OPA1: variants seen among roughly 807,000 people sequenced by gnomAD.
The protein encoded by OPA1 is dynamin-like GTPase OPA1, mitochondrial.
OPA1 carries 59 observed loss-of-function variants against 152.9 expected under a neutral mutation model. The ratio of observed to expected loss-of-function variants is 0.39; its 90% CI spans 0.31 to 0.48. The LOEUF (loss-of-function observed/expected upper bound fraction) is 0.48. Ranked by LOEUF, OPA1 falls within the 20% of genes least tolerant of loss-of-function variation. The pLI, the probability that OPA1 is intolerant of heterozygous loss-of-function variation, is 0.96. For missense variants in OPA1, 1,008 were observed against 1,216.8 expected (o/e 0.83, Z 2.55); for synonymous variants, 400 against 389.9 (o/e 1.03, Z -0.31).
rs138853359 is a variant in OPA1 at position 193,675,499 on chromosome 3, GAGGC to G, written c.2983+8221_2983+8224del. On this transcript the variant is annotated intron_variant, in intron 29 of 30. Coordinates refer to ENST00000361510, the MANE Select transcript of OPA1 (RefSeq NM_130837.3). ...TCTCTCCTGGCTTTTAACACATCTCGAGGCAACCTTTTCCCTTTCTTTTTATGCA... is the reference window on the plus strand; with the variant it reads ...TCTCTCCTGGCTTTTAACACATCTCGAACCTTTTCCCTTTCTTTTTATGCA... Among the ~76,000 whole-genome samples, 1,117 of 151,928 alleles carry G rather than the reference GAGGC, an allele frequency of 7.4e-3. 10 individuals carry two copies. The highest frequency in any genetic ancestry group is 0.022 in the African/African-American group (903 of 41,430).
chr3:193,593,234 T>C lies in OPA1; in HGVS notation c.-144T>C, dbSNP rs1057509207. ...GGCTCTTGCGGAAGTCCATGCGCCA[T>C]TGGGAGGGCCTCGGCCGCGGCTCTG... On this transcript the variant is annotated 5_prime_UTR_variant, in exon 1 of 31. Transcript: ENST00000361510. The C allele has an allele frequency of 3.3e-5, 23 of 694,896 alleles. No individual in the cohort carries two copies. Among genetic ancestry groups the C allele is most frequent in the African/African-American group, 1.7e-4 (9 of 53,976 alleles). 43.0% of individuals were successfully genotyped at this position (694,896 alleles called of 1,614,324 possible).
rs1041652268 is a variant in OPA1, at chr3:193,678,221, C to T, written c.2983+10941C>T. On this transcript the variant is annotated intron_variant, in intron 29 of 30. Transcript: ENST00000361510. ...ATTAAAGCCATTTTATCTTTAGTCTCTCCTTTTGTTGGCACTGCTTCATAG... is the reference window on the plus strand; with the variant it reads ...ATTAAAGCCATTTTATCTTTAGTCTTTCCTTTTGTTGGCACTGCTTCATAG... Among the ~76,000 whole-genome samples, 7 of 152,098 alleles carry T rather than the reference C, an allele frequency of 4.6e-5. No individual in the cohort carries two copies. The East Asian group carries it at 1.3e-3, about 29-fold the overall frequency.
chr3:193,618,502 G>T, intron 5 of OPA1: 1 of 192,470 alleles, frequency 5.2e-6, no homozygotes, highest in Non-Finnish European at 1.1e-5. Flanking sequence ...AAAAAGAAAA[G>T]AAAAAAAAAT....
intron 25 of OPA1, among the ~76,000 whole-genome samples, chr3:193,662,278 C>T (rs115808847): frequency 5.3e-4 from 81 of 152,230 alleles, no homozygotes; most frequent in Middle Eastern, 3.4e-3. Context: ...ACAGATACCT[C>T]ACAGGAGCAG....
At chr3:193,692,198 TTA>T (rs1277181197) in intron 30 of OPA1, 66 bp downstream of exon 30, 15 of 852,796 alleles carry the variant, frequency 1.8e-5, no homozygotes, top group Middle Eastern at 2.2e-4. Context: ...TCTTAATAGT[TTA>T]TCATTCTGCT....
At chr3:193,644,693 G>A (rs551194783) in intron 16 of OPA1, among the ~76,000 whole-genome samples, 1 of 152,216 alleles carries the variant, frequency 6.6e-6, no homozygotes, top group East Asian at 1.9e-4. Flanking sequence ...TGGCATTAAT[G>A]GTTCTGATAT....
intron 18 of OPA1, 28 bp from the exon 19 acceptor site, chr3:193,647,037 T>C: frequency 4.8e-6 from 7 of 1,449,120 alleles, no homozygotes; most frequent in Non-Finnish European, 6.7e-6. Flanking sequence ...TTTAATATAC[T>C]TTAGCTCTTG....
At chr3:193,638,091 G>A (rs963264128) in intron 11 of OPA1, 26 bp downstream of exon 11, 2 of 1,532,594 alleles carry the variant, frequency 1.3e-6, no homozygotes, top group Non-Finnish European at 1.8e-6. Context: ...GTCTCAGTGA[G>A]GTTCCTTAGG....
chr3:193,676,837 C>T (rs1719128491), intron 29 of OPA1, among the ~76,000 whole-genome samples: 3 of 151,990 alleles, frequency 2.0e-5, no homozygotes, highest in Non-Finnish European at 4.4e-5. Context: ...AAAATTTAGC[C>T]AGGCGTGGTG....
Position 193,638,993 on chromosome 3 carries a change from A to G in OPA1, c.1149+928A>G, listed in dbSNP as rs1414105037. On this transcript the variant is annotated intron_variant, in intron 11 of 30. Coordinates refer to ENST00000361510, the MANE Select transcript of OPA1 (RefSeq NM_130837.3). ...TAAAGATGTTTATATGCTGATTATAATGATCTAATAAAGGGGGGAAATGAT... is the reference window on the plus strand; with the variant it reads ...TAAAGATGTTTATATGCTGATTATAGTGATCTAATAAAGGGGGGAAATGAT... Among the ~76,000 whole-genome samples the G allele has an allele frequency of 2.0e-5, 3 of 151,886 alleles. No individual in the cohort carries two copies. In the East Asian group the frequency reaches 5.8e-4, roughly 29 times the overall value.
intron 29 of OPA1, among the ~76,000 whole-genome samples, chr3:193,674,988 G>A (rs1718670765): frequency 1.3e-5 from 2 of 152,112 alleles, no homozygotes; most frequent in African/African-American, 4.8e-5. Flanking sequence ...CCCTGAGCTG[G>A]CACTCCAAAG....
intron 1 of OPA1, chr3:193,613,921 A>G (rs1577152769): frequency 1.9e-6 from 1 of 518,822 alleles, no homozygotes; most frequent in Non-Finnish European, 3.8e-6. Flanking sequence ...AAAGGAATTA[A>G]TATTTTTTAA....
Position 193,618,888 on chromosome 3 carries a change from G to A in OPA1, c.630G>A (p.Ala210=), listed in dbSNP as rs766593183. ...LLLLGSPEET[A]FRATDRGSES... is the part of the protein sequence containing the mutation. ...TTTAAGGTTCTCCGGAAGAAACGGCGTTTAGAGCAACAGATCGTGGATCTG... is the reference window on the plus strand; with the variant it reads ...TTTAAGGTTCTCCGGAAGAAACGGCATTTAGAGCAACAGATCGTGGATCTG... The change falls in exon 6 of 31, where the codon GCG becomes GCA. Residue 210 remains alanine, a synonymous_variant. Transcript: ENST00000361510. The A allele has an allele frequency of 9.3e-6, 15 of 1,613,684 alleles. No individual in the cohort carries two copies. Among genetic ancestry groups the A allele is most frequent in the Admixed American group, 8.3e-5 (5 of 60,004 alleles).
At chr3:193,597,626 G>C (rs1301013893) in intron 1 of OPA1, among the ~76,000 whole-genome samples, 1 of 151,226 alleles carries the variant, frequency 6.6e-6, no homozygotes, top group Non-Finnish European at 1.5e-5. Flanking sequence ...CAGAGGCGGA[G>C]GTTGCAGTGA....
chr3:193,643,298 C>A, intron 13 of OPA1, 75 bp from the exon 14 acceptor site: 1 of 1,209,620 alleles, frequency 8.3e-7, no homozygotes, highest in Non-Finnish European at 1.2e-6. Flanking sequence ...TTTTAGAATA[C>A]ATTTCACCAA....
chr3:193,650,111 G>A (rs1712024982), intron 21 of OPA1, among the ~76,000 whole-genome samples: 1 of 152,084 alleles, frequency 6.6e-6, no homozygotes, highest in Non-Finnish European at 1.5e-5. Flanking sequence ...GTTTTGTTTG[G>A]ACAGAGCAAC....
At chr3:193,683,215 A>T (rs1720434580) in intron 29 of OPA1, among the ~76,000 whole-genome samples, 1 of 151,992 alleles carries the variant, frequency 6.6e-6, no homozygotes, top group South Asian at 2.1e-4. Context: ...ATATGATAAA[A>T]CTTGAACAGA....
At chr3:193,660,597 A>G (rs1715031278) in intron 25 of OPA1, among the ~76,000 whole-genome samples, 1 of 152,002 alleles carries the variant, frequency 6.6e-6, no homozygotes, top group African/African-American at 2.4e-5. Flanking sequence ...TTTTTTTCCT[A>G]GTTTCCCACA....
At position 193,593,341 on chromosome 3, in the gene OPA1, G is replaced by C. The variant is rs1015578861; in HGVS notation, c.-37G>C. 3 of 1,538,456 alleles carry C rather than the reference G, an allele frequency of 2.0e-6. No individual in the cohort carries two copies. Among genetic ancestry groups the C allele is most frequent in the African/African-American group, 1.4e-5 (1 of 72,532 alleles). On this transcript the variant is annotated 5_prime_UTR_variant, in exon 1 of 31. Coordinates refer to ENST00000361510, the MANE Select transcript of OPA1 (RefSeq NM_130837.3). Reference sequence around the variant, plus strand: ...GGGCTCACACGGGGGCTCCCGCGTGGCCGTCTCGGCGCCTGCGTGACCTCC... The same window carrying C: ...GGGCTCACACGGGGGCTCCCGCGTGCCCGTCTCGGCGCCTGCGTGACCTCC...
Sources: gnomAD v4.1 joint callset for allele counts (sites outside exome capture counted in the v4.1 genomes callset) on GRCh38, gnomAD v4.1.1 for gene constraint, MANE v1.5 for transcripts, NCBI Gene and HGNC (gene_info 2026-07-23, HGNC 2026-07-21) for gene names.